TMEM232: variants seen among roughly 807,000 people sequenced by gnomAD.
TMEM232 encodes transmembrane protein 232.
Under a neutral mutation model 78.8 loss-of-function variants are expected in TMEM232, and 80 were observed. That is an observed-to-expected ratio of 1.01 (90% CI 0.85 to 1.22). The LOEUF (loss-of-function observed/expected upper bound fraction) is 1.22. Among genes scored for constraint, TMEM232 ranks in the 50% most tolerant of loss-of-function variants. TMEM232 has a pLI of 0.00. For synonymous variants in TMEM232, 297 were observed against 254.3 expected, an observed-to-expected ratio of 1.17 and a Z score of -1.60; for missense variants, 881 against 742.2, an observed-to-expected ratio of 1.19 and a Z score of -2.17.
At chr5:110,658,981 T>C (rs535721404) in intron 2 of TMEM232, among the ~76,000 whole-genome samples, 1 of 152,214 alleles carries the variant, frequency 6.6e-6, no homozygotes, top group South Asian at 2.1e-4. Context: ...GGACAACCCT[T>C]CTTGGGGAAG....
chr5:110,649,502 A>G (rs1331866908), intron 2 of TMEM232, among the ~76,000 whole-genome samples: 1 of 152,134 alleles, frequency 6.6e-6, no homozygotes, highest in Non-Finnish European at 1.5e-5. Context: ...TTTTAATTAT[A>G]GCAGATTAAA....
chr5:110,688,254 G>C (rs1208769472), intron 1 of TMEM232, among the ~76,000 whole-genome samples: 1 of 152,170 alleles, frequency 6.6e-6, no homozygotes, highest in Non-Finnish European at 1.5e-5. Context: ...TAGTTGGATA[G>C]ATGAAGATTT....
At position 110,611,777 on chromosome 5, in the gene TMEM232, G is replaced by A. The variant is rs189440425; in HGVS notation, c.903-5490C>T. Reference sequence around the variant, plus strand: ...ATGACAGATTGTTGAGGGGACGAACGCAAAGCAAGGAGACAAGTTAAAAAG... The same window carrying A: ...ATGACAGATTGTTGAGGGGACGAACACAAAGCAAGGAGACAAGTTAAAAAG... On this transcript the variant is annotated intron_variant, in intron 8 of 13. Transcript: ENST00000455884. Among the ~76,000 whole-genome samples the A allele has an allele frequency of 8.5e-5, 13 of 152,180 alleles. No individual in the cohort carries two copies. In the East Asian group the frequency reaches 2.1e-3, roughly 25 times the overall value.
At position 110,528,764 on chromosome 5, in the gene TMEM232, T is replaced by C. The variant is rs1402311018; in HGVS notation, c.1527A>G (p.Glu509=). 6.5e-7 allele frequency: 1 copy of C among 1,533,504 alleles called. No individual in the cohort carries two copies. Among genetic ancestry groups the C allele is most frequent in the African/African-American group, 1.4e-5 (1 of 72,846 alleles). The allele number at this position is 1,533,504 out of a possible 1,614,324, so 95.0% of individuals were successfully genotyped here. Reference sequence around the variant, plus strand: ...TCCACCCAATATATTTGGAGAAAACTTCTTCTCCTACATTTGATGAAATAT... The same window carrying C: ...TCCACCCAATATATTTGGAGAAAACCTCTTCTCCTACATTTGATGAAATAT... ...STNISSNVGE[E]VFSKYIGWRI... Residue 509 remains glutamate, a synonymous_variant, in exon 12 of 14, where the codon GAA becomes GAG. Transcript: ENST00000455884.
chr5:110,461,570 C>T (rs1761533126), intron 12 of TMEM232, among the ~76,000 whole-genome samples: 1 of 152,192 alleles, frequency 6.6e-6, no homozygotes, highest in Admixed American at 6.5e-5. Context: ...AAACAAACAA[C>T]ATATGTTCAA....
chr5:110,592,563 C>A (rs1296778929), intron 10 of TMEM232, among the ~76,000 whole-genome samples: 3 of 152,194 alleles, frequency 2.0e-5, no homozygotes, highest in Non-Finnish European at 2.9e-5. Flanking sequence ...TATTTGTCCA[C>A]CGTGTTGAGA....
intron 12 of TMEM232, among the ~76,000 whole-genome samples, chr5:110,434,293 C>T (rs1758172846): frequency 6.6e-6 from 1 of 151,258 alleles, no homozygotes; most frequent in African/African-American, 2.4e-5. Context: ...GACATTGCAA[C>T]TGATCCCACA....
At chr5:110,545,156 T>A (rs1773624259) in intron 11 of TMEM232, among the ~76,000 whole-genome samples, 1 of 152,086 alleles carries the variant, frequency 6.6e-6, no homozygotes, top group Non-Finnish European at 1.5e-5. Context: ...TCCTTGTTTA[T>A]ATTTAATTTT....
intron 12 of TMEM232, among the ~76,000 whole-genome samples, chr5:110,500,760 T>C (rs1233905918): frequency 6.6e-6 from 1 of 152,202 alleles, no homozygotes; most frequent in Non-Finnish European, 1.5e-5. Context: ...GTCTAAGGGT[T>C]AGGCTAGGTT....
upstream of TMEM232, among the ~76,000 whole-genome samples, chr5:110,738,534 C>T (rs1019731032): frequency 1.3e-5 from 2 of 152,048 alleles, no homozygotes; most frequent in African/African-American, 4.8e-5. Context: ...CTGGGCGGTA[C>T]CATATCTCTC....
intron 12 of TMEM232, among the ~76,000 whole-genome samples, chr5:110,468,396 T>C (rs530459545): frequency 1.1e-3 from 161 of 152,164 alleles, no homozygotes; most frequent in Middle Eastern, 3.5e-3. Context: ...TATTTTAAAC[T>C]GAGAGTATAG....
Position 110,625,183 on chromosome 5 carries a change from A to G in TMEM232, c.768+84T>C, listed in dbSNP as rs1469467942. 6.8e-6 allele frequency: 9 copies of G among 1,330,682 alleles called. No individual in the cohort carries two copies. The South Asian group carries it at 1.5e-4, about 22-fold the overall frequency. 82.4% of individuals were successfully genotyped at this position (1,330,682 alleles called of 1,614,324 possible). On this transcript the variant is annotated intron_variant, in intron 7 of 13. Transcript: ENST00000455884. Reference sequence around the variant, plus strand: ...CTCATCATTCCTCAATGTCTACTGTATTGATAAGCACCATTACTTAATCAT... The same window carrying G: ...CTCATCATTCCTCAATGTCTACTGTGTTGATAAGCACCATTACTTAATCAT...
intron 12 of TMEM232, among the ~76,000 whole-genome samples, chr5:110,506,959 A>T (rs1420362132): frequency 6.6e-6 from 1 of 152,112 alleles, no homozygotes; most frequent in Non-Finnish European, 1.5e-5. Flanking sequence ...TAACTTTATC[A>T]TACTCCTGAA....
At chr5:110,393,028 TG>T (rs1266022399) in intron 3 of TMEM232, among the ~76,000 whole-genome samples, 2 of 152,230 alleles carry the variant, frequency 1.3e-5, no homozygotes, top group East Asian at 3.8e-4. Flanking sequence ...TCTGTTACTG[TG>T]TCAGAACACT....
intron 5 of TMEM232, among the ~76,000 whole-genome samples, chr5:110,630,749 G>C (rs1201126701): frequency 6.6e-6 from 1 of 152,114 alleles, no homozygotes; most frequent in Non-Finnish European, 1.5e-5. Context: ...AACAGTGTGA[G>C]AATGAACTAA....
upstream of TMEM232, chr5:110,738,885 A>G: frequency 9.4e-7 from 1 of 1,058,706 alleles, no homozygotes; most frequent in Non-Finnish European, 1.3e-6. Context: ...ACGACAACAA[A>G]CTTTTAAGGT....
At chr5:110,691,925 T>C (rs1042920129) in intron 1 of TMEM232, among the ~76,000 whole-genome samples, 1 of 152,136 alleles carries the variant, frequency 6.6e-6, no homozygotes, top group African/African-American at 2.4e-5. Flanking sequence ...CTTTTGTTTG[T>C]TTTTTGTTTT....
At chr5:110,668,769 A>G (rs1790949137) in intron 1 of TMEM232, among the ~76,000 whole-genome samples, 5 of 152,200 alleles carry the variant, frequency 3.3e-5, no homozygotes, top group Admixed American at 3.3e-4. Flanking sequence ...AGAAATTATA[A>G]CAAACTGTCT....
intron 2 of TMEM232, among the ~76,000 whole-genome samples, chr5:110,407,569 T>C (rs987672943): frequency 4.6e-5 from 7 of 152,122 alleles, no homozygotes; most frequent in East Asian, 1.9e-4. Flanking sequence ...TAGACTGCAA[T>C]ATAATAGTAG....
Sources: allele counts gnomAD v4.1 joint callset (sites outside exome capture counted in the v4.1 genomes callset), GRCh38; gene constraint gnomAD v4.1.1; transcripts MANE v1.5; gene names NCBI Gene and HGNC (gene_info 2026-07-23, HGNC 2026-07-21).